OTUD7A: variants seen among roughly 807,000 people sequenced by gnomAD.
The protein encoded by OTUD7A is OTU deubiquitinase 7A.
Under a neutral mutation model 65.7 loss-of-function variants are expected in OTUD7A, and 12 were observed. The observed-to-expected ratio is 0.18, with a 90% CI of 0.12 to 0.30. The LOEUF is 0.30. Ranked by LOEUF, OTUD7A falls within the 10% of genes least tolerant of loss-of-function variation. The probability of loss-of-function intolerance (pLI) is 1.00; values close to 1 mark genes in which losing one functional copy is unlikely to be tolerated. For synonymous variants in OTUD7A, 641 were observed against 586.3 expected, an observed-to-expected ratio of 1.09 and a Z score of -1.35; for missense variants, 1,148 against 1,304.8, an observed-to-expected ratio of 0.88 and a Z score of 1.85.
At chr15:31,556,241 C>CA (rs1313756491) in intron 5 of OTUD7A, 6 of 152,272 alleles carry the variant, frequency 3.9e-5, no homozygotes, top group African/African-American at 1.4e-4. Context: ...AATTGCACCA[C>CA]AAGCACCTTT....
intron 1 of OTUD7A, among the ~76,000 whole-genome samples, chr15:31,825,862 C>A (rs1445109509): frequency 1.3e-5 from 2 of 152,224 alleles, no homozygotes; most frequent in Non-Finnish European, 1.5e-5. Context: ...AGTCCAAAAT[C>A]CATTGGGGCA....
At chr15:31,668,787 G>C (rs1360418627) in intron 1 of OTUD7A, among the ~76,000 whole-genome samples, 10 of 152,216 alleles carry the variant, frequency 6.6e-5, no homozygotes, top group Non-Finnish European at 7.3e-5. Context: ...AGCTCTGTCA[G>C]AGGGAAGGTC....
In OTUD7A at chr15:31,760,538, C is replaced by A. The variant is rs75001943; in HGVS notation, c.-99-103461G>T. ...TTTGTATTGAACACATTGAAGTTAT[C>A]TTCCGTTGTCTTCCAGTTCCCAGTG... On this transcript the variant is annotated intron_variant, in intron 1 of 12. Coordinates refer to ENST00000307050, the MANE Select transcript of OTUD7A (RefSeq NM_001382637.1). Among the ~76,000 whole-genome samples, 289 of 152,310 alleles carry A rather than the reference C, an allele frequency of 1.9e-3. 1 individual carries two copies. The highest frequency in any genetic ancestry group is 6.5e-3 in the African/African-American group (270 of 41,560).
chr15:31,691,230 GA>G (rs1892954125), intron 1 of OTUD7A, among the ~76,000 whole-genome samples: 1 of 152,146 alleles, frequency 6.6e-6, no homozygotes, highest in South Asian at 2.1e-4. Flanking sequence ...CACAGAAACA[GA>G]AAAAAGCCTG....
At chr15:31,667,179 C>A (rs1892344442) in intron 1 of OTUD7A, among the ~76,000 whole-genome samples, 1 of 152,120 alleles carries the variant, frequency 6.6e-6, no homozygotes, top group Non-Finnish European at 1.5e-5. Context: ...TCCATTGTTT[C>A]TTTGACTTTC....
chr15:31,724,009 A>AT (rs1893818042), intron 1 of OTUD7A, among the ~76,000 whole-genome samples: 1 of 135,946 alleles, frequency 7.4e-6, no homozygotes, highest in Non-Finnish European at 1.6e-5. Context: ...GTTGTTGTTA[A>AT]TTGGCTCTCC....
intron 5 of OTUD7A, among the ~76,000 whole-genome samples, chr15:31,550,412 G>C (rs900542597): frequency 4.3e-4 from 66 of 152,162 alleles, no homozygotes; most frequent in African/African-American, 1.5e-3. Flanking sequence ...TGTGCAACCT[G>C]TACACATGCA....
At chr15:31,561,340 T>C (rs900183483) in intron 4 of OTUD7A, among the ~76,000 whole-genome samples, 1 of 152,242 alleles carries the variant, frequency 6.6e-6, no homozygotes, top group Non-Finnish European at 1.5e-5. Context: ...CCACTCATCT[T>C]GCCACAAACT....
chr15:31,509,285 C>CTT (rs200370102), intron 8 of OTUD7A, among the ~76,000 whole-genome samples: 1 of 150,552 alleles, frequency 6.6e-6, no homozygotes, highest in Middle Eastern at 3.4e-3. Flanking sequence ...TTTGTTTAAA[C>CTT]TTTTTTTTTT....
intron 1 of OTUD7A, among the ~76,000 whole-genome samples, chr15:31,717,419 T>C (rs1359368602): frequency 1.3e-5 from 2 of 152,024 alleles, no homozygotes; most frequent in African/African-American, 4.8e-5. Flanking sequence ...GGCCCCAGTG[T>C]GTGATGTTCC....
At chr15:31,825,288 T>A (rs1896771395) in intron 1 of OTUD7A, among the ~76,000 whole-genome samples, 1 of 152,246 alleles carries the variant, frequency 6.6e-6, no homozygotes, top group Admixed American at 6.5e-5. Context: ...CAGTTCCATG[T>A]GGCTGGGGAA....
At chr15:31,785,243 G>T (rs59196255) in intron 1 of OTUD7A, among the ~76,000 whole-genome samples, 3 of 152,118 alleles carry the variant, frequency 2.0e-5, no homozygotes, top group Non-Finnish European at 4.4e-5. Flanking sequence ...ACACACTGAC[G>T]CATGTAAACC....
At chr15:31,619,410 G>A (rs902079306) in intron 3 of OTUD7A, among the ~76,000 whole-genome samples, 5 of 152,192 alleles carry the variant, frequency 3.3e-5, no homozygotes, top group African/African-American at 1.2e-4. Context: ...CCATGAGCAT[G>A]GAATGTTCTT....
intron 6 of OTUD7A, among the ~76,000 whole-genome samples, chr15:31,528,416 G>A (rs1463763704): frequency 6.6e-6 from 1 of 152,218 alleles, no homozygotes; most frequent in African/African-American, 2.4e-5. Context: ...TGAAAAGGGG[G>A]CTCTCGAGGG....
At chr15:31,613,919 A>G (rs893804099) in intron 3 of OTUD7A, among the ~76,000 whole-genome samples, 2 of 152,210 alleles carry the variant, frequency 1.3e-5, no homozygotes, top group African/African-American at 4.8e-5. Context: ...GAGTAGATAA[A>G]GAAACTGTGG....
chr15:31,660,087 G>A (rs990974102), intron 1 of OTUD7A, among the ~76,000 whole-genome samples: 2 of 152,282 alleles, frequency 1.3e-5, no homozygotes, highest in Non-Finnish European at 2.9e-5. Context: ...TAAAACAATA[G>A]GCAAATGTAC....
chr15:31,478,513 C>T lies in OTUD7A; in HGVS notation c.*4781G>A, dbSNP rs780869917. 6.6e-6 allele frequency: 1 copy of T among 152,070 alleles called. No homozygotes were observed. 9.4% of individuals were successfully genotyped at this position (152,070 alleles called of 1,614,324 possible). On this transcript the variant is annotated 3_prime_UTR_variant, in exon 13 of 13. Transcript: ENST00000307050. Reference sequence around the variant, plus strand: ...AATCATTTGGCAAAATAAATAGAAACAGTAACATTACTAGCATGGTTGGAG... The same window carrying T: ...AATCATTTGGCAAAATAAATAGAAATAGTAACATTACTAGCATGGTTGGAG...
chr15:31,686,191 G>A (rs756192993), intron 1 of OTUD7A, among the ~76,000 whole-genome samples: 2 of 152,220 alleles, frequency 1.3e-5, no homozygotes, highest in Non-Finnish European at 2.9e-5. Context: ...GCCCAGGGCT[G>A]TGGAGAAGGA....
At chr15:31,663,283 A>ACACACACACACACACACAC (rs71113411) in intron 1 of OTUD7A, among the ~76,000 whole-genome samples, 2 of 149,960 alleles carry the variant, frequency 1.3e-5, no homozygotes, top group African/African-American at 5.0e-5. Flanking sequence ...ACACACACAC[A>ACACACACACACACACACAC]AGTTTTTAAA....
Sources: allele counts gnomAD v4.1 joint callset (sites outside exome capture counted in the v4.1 genomes callset), GRCh38; gene constraint gnomAD v4.1.1; transcripts MANE v1.5; gene names NCBI Gene and HGNC (gene_info 2026-07-23, HGNC 2026-07-21).